DRAM1: variants seen among roughly 807,000 people sequenced by gnomAD.
DRAM1 encodes the protein DNA damage regulated autophagy modulator 1, also known as DNA damage-regulated autophagy modulator protein 1.
A neutral mutation model predicts 28.5 loss-of-function variants in DRAM1; 25 were observed. That is an observed-to-expected ratio of 0.88 (90% CI 0.64 to 1.23). DRAM1 has a LOEUF of 1.23. Among genes scored for constraint, DRAM1 ranks in the 50% most tolerant of loss-of-function variants. The pLI, the probability that DRAM1 is intolerant of heterozygous loss-of-function variation, is 0.00. For synonymous variants in DRAM1, 113 were observed against 114.2 expected (o/e 0.99, Z 0.07); for missense variants, 249 against 299.2 (o/e 0.83, Z 1.24).
chr12:101,920,692 A>G (rs1161625011), intron 6 of DRAM1, among the ~76,000 whole-genome samples: 1 of 152,150 alleles, frequency 6.6e-6, no homozygotes, highest in Non-Finnish European at 1.5e-5. Context: ...CGGGCAGATC[A>G]CCTGAGGTCA....
intron 5 of DRAM1, 134 bp from the exon 6 acceptor site, chr12:101,919,975 C>T (rs1334630248): frequency 2.0e-5 from 10 of 506,344 alleles, no homozygotes; most frequent in South Asian, 9.2e-5. Context: ...TTGTGCTTAC[C>T]GTATATCCTC....
At chr12:101,881,624 G>C (rs1451219553) in intron 1 of DRAM1, among the ~76,000 whole-genome samples, 2 of 152,146 alleles carry the variant, frequency 1.3e-5, no homozygotes, top group Non-Finnish European at 2.9e-5. Flanking sequence ...TGCAGTGGCT[G>C]TTCCCTCTGC....
At chr12:101,905,680 C>T (rs1223853461) in intron 3 of DRAM1, among the ~76,000 whole-genome samples, 1 of 151,298 alleles carries the variant, frequency 6.6e-6, no homozygotes, top group Non-Finnish European at 1.5e-5. Flanking sequence ...GCCTTGGTCT[C>T]CCAAGCTCAA....
intron 5 of DRAM1, among the ~76,000 whole-genome samples, chr12:101,918,168 G>A (rs1465280498): frequency 6.6e-6 from 1 of 152,136 alleles, no homozygotes; most frequent in Non-Finnish European, 1.5e-5. Context: ...AAACTTCTGT[G>A]TAGTGCTTTA....
At chr12:101,901,572 C>A in intron 3 of DRAM1, 139 bp downstream of exon 3, 1 of 1,042,298 alleles carries the variant, frequency 9.6e-7, no homozygotes, top group Non-Finnish European at 1.4e-6. Context: ...GGTTAGTTTG[C>A]TTTTTAGAAA....
At chr12:101,891,448 A>G (rs1342337190) in intron 1 of DRAM1, among the ~76,000 whole-genome samples, 1 of 152,242 alleles carries the variant, frequency 6.6e-6, no homozygotes, top group Non-Finnish European at 1.5e-5. Context: ...AAAGTCTTCT[A>G]TTATCCAGCA....
intron 6 of DRAM1, 92 bp downstream of exon 6, chr12:101,920,293 C>CTTTATTTTTT: frequency 5.7e-5 from 15 of 262,130 alleles, no homozygotes; most frequent in Non-Finnish European, 7.3e-5. Context: ...AAAAAGAGCA[C>CTTTATTTTTT]TTTCTTTTTT....
In DRAM1 at chr12:101,922,273, C is replaced by G. The variant is rs1244374878; in HGVS notation, c.*1013C>G. ...TATAAGTCAAGCCCTTTGTGTTAAG[C>G]AAGAACTACAGACTCCATCTTTTCA... On this transcript the variant is annotated 3_prime_UTR_variant, in exon 7 of 7. Transcript: ENST00000258534. The G allele has an allele frequency of 2.0e-5, 3 of 152,220 alleles. No homozygotes were observed. The highest frequency in any genetic ancestry group is 7.2e-5 in the African/African-American group (3 of 41,440). The allele number at this position is 152,220 out of a possible 1,614,324, so 9.4% of individuals were successfully genotyped here.
intron 1 of DRAM1, among the ~76,000 whole-genome samples, chr12:101,888,999 C>T (rs2121037504): frequency 6.6e-6 from 1 of 151,758 alleles, no homozygotes. Flanking sequence ...GACGGGATCT[C>T]ACTGTATTGC....
intron 1 of DRAM1, among the ~76,000 whole-genome samples, chr12:101,882,104 C>G (rs1381071526): frequency 7.5e-6 from 1 of 132,978 alleles, no homozygotes; most frequent in Non-Finnish European, 1.6e-5. Flanking sequence ...TTCTGATGGT[C>G]TAATTTTTTT....
rs574722379 is a variant in DRAM1 at position 101,895,186 on chromosome 12, GTTTTTT to G, written c.132-2652_132-2647del. Among the ~76,000 whole-genome samples the G allele has an allele frequency of 7.5e-4, 57 of 75,726 alleles. 1 individual carries two copies. Among genetic ancestry groups the G allele is most frequent in the East Asian group, 2.6e-3 (4 of 1,516 alleles). The allele number at this position is 75,726 out of a possible 152,430, so 49.7% of individuals were successfully genotyped here. On this transcript the variant is annotated intron_variant, in intron 1 of 6. Coordinates refer to ENST00000258534, the MANE Select transcript of DRAM1 (RefSeq NM_018370.3). ...TAATGCTAAATTCGAAACCCTTCAG[GTTTTTT>G]TTTTTTTTTTTTTTTTTTTTTTTTA...
chr12:101,900,590 A>G (rs1359208005), intron 2 of DRAM1, among the ~76,000 whole-genome samples: 2 of 152,218 alleles, frequency 1.3e-5, no homozygotes, highest in African/African-American at 2.4e-5. Context: ...AAGTTGCTAA[A>G]TCTTGCTAAT....
At chr12:101,911,820 G>A (rs1376662422) in intron 4 of DRAM1, among the ~76,000 whole-genome samples, 4 of 152,136 alleles carry the variant, frequency 2.6e-5, no homozygotes, top group African/African-American at 4.8e-5. Context: ...TAAGATGTAT[G>A]TTGTTTATCA....
Position 101,908,272 on chromosome 12 carries a change from C to T in DRAM1, c.429C>T (p.Ile143=). The change falls in exon 4 of 7, where the codon ATC becomes ATT. Residue 143 remains isoleucine, a synonymous_variant. Transcript: ENST00000258534. Reference sequence around the variant, plus strand: ...TGTACACGCTCCTACAGTCCATCATCTCTTACAAATCATGTCCCCAGTGGA... The same window carrying T: ...TGTACACGCTCCTACAGTCCATCATTTCTTACAAATCATGTCCCCAGTGGA... ...GVVYTLLQSI[I]SYKSCPQWNS... 6.2e-7 allele frequency: 1 copy of T among 1,614,200 alleles called. No homozygotes were observed. The highest frequency in any genetic ancestry group is 8.5e-7 in the Non-Finnish European group (1 of 1,180,036).
At position 101,920,830 on chromosome 12, in the gene DRAM1, G is replaced by A. The variant is rs1486593832; in HGVS notation, c.673-386G>A. Among the ~76,000 whole-genome samples the A allele has an allele frequency of 1.6e-4, 25 of 152,126 alleles. 1 individual carries two copies. The highest frequency in any genetic ancestry group is 1.6e-3 in the Admixed American group (25 of 15,262). On this transcript the variant is annotated intron_variant, in intron 6 of 6. Transcript: ENST00000258534. ...GGAGGCTGAGGCAGGAGAATCACTT[G>A]AACCCGGGAGGCGGAGGTTGTCGTG...
At chr12:101,914,272 G>C (rs376472149) in intron 5 of DRAM1, 40 bp downstream of exon 5, 70 of 1,539,570 alleles carry the variant, frequency 4.5e-5, no homozygotes, top group Non-Finnish European at 5.8e-5. Context: ...GTCGGACGTG[G>C]TTATGTGAGC....
intron 3 of DRAM1, among the ~76,000 whole-genome samples, chr12:101,902,456 G>A (rs1044468187): frequency 2.6e-5 from 4 of 152,108 alleles, no homozygotes; most frequent in African/African-American, 7.2e-5. Context: ...CCAAGTACAC[G>A]ATGCATAGTT....
intron 2 of DRAM1, among the ~76,000 whole-genome samples, chr12:101,900,265 A>G (rs1022379090): frequency 1.3e-5 from 2 of 152,262 alleles, no homozygotes; most frequent in Non-Finnish European, 2.9e-5. Flanking sequence ...AAGCAAAACT[A>G]TGCAATAATT....
chr12:101,895,186 GT>G (rs574722379), intron 1 of DRAM1, among the ~76,000 whole-genome samples: 1,117 of 75,622 alleles, frequency 0.015, 14 homozygotes, highest in Middle Eastern at 0.047. Flanking sequence ...AACCCTTCAG[GT>G]TTTTTTTTTT....
Sources: allele counts gnomAD v4.1 joint callset (sites outside exome capture counted in the v4.1 genomes callset), GRCh38; gene constraint gnomAD v4.1.1; transcripts MANE v1.5; gene names NCBI Gene and HGNC (gene_info 2026-07-23, HGNC 2026-07-21).